The following ADGRL2 variants were observed in gnomAD, a reference collection of about 807,000 sequenced individuals.
The protein encoded by ADGRL2 is calcium-independent alpha-latrotoxin receptor 2.
A neutral mutation model predicts 157.4 loss-of-function variants in ADGRL2; 44 were observed. The observed-to-expected ratio is 0.28, with a 90% confidence interval of 0.22 to 0.36. ADGRL2 has a LOEUF of 0.36. Ranked by LOEUF, ADGRL2 falls within the 10% of genes least tolerant of loss-of-function variation. The pLI is 1.00. For synonymous variants in ADGRL2, 585 were observed against 624.7 expected, an observed-to-expected ratio of 0.94 and a Z score of 0.95; for missense variants, 1,510 against 1,768.9, an observed-to-expected ratio of 0.85 and a Z score of 2.63.
At chr1:81,646,209 A>T (rs2082312918) in intron 3 of ADGRL2, among the ~76,000 whole-genome samples, 1 of 152,190 alleles carries the variant, frequency 6.6e-6, no homozygotes, top group African/African-American at 2.4e-5. Context: ...CTTAATGCAA[A>T]TTTAAGTCAA....
chr1:81,577,611 C>T (rs2148522783), intron 2 of ADGRL2, among the ~76,000 whole-genome samples: 1 of 152,238 alleles, frequency 6.6e-6, no homozygotes, highest in African/African-American at 2.4e-5. Context: ...AGACAGGACA[C>T]TTTCCTTTCC....
At chr1:81,339,948 C>T (rs1038361157) in intron 1 of ADGRL2, among the ~76,000 whole-genome samples, 1 of 152,118 alleles carries the variant, frequency 6.6e-6, no homozygotes, top group Non-Finnish European at 1.5e-5. Flanking sequence ...TGAATTGCAT[C>T]ATATTACAAT....
At chr1:81,953,159 G>C (rs1229762935) in intron 10 of ADGRL2, 134 bp downstream of exon 10, 6 of 663,982 alleles carry the variant, frequency 9.0e-6, no homozygotes, top group Non-Finnish European at 1.5e-5. Context: ...CTGTACAAAT[G>C]TTGGCTTTTC....
intron 3 of ADGRL2, among the ~76,000 whole-genome samples, chr1:81,682,502 T>A (rs1428130839): frequency 1.3e-5 from 2 of 152,140 alleles, no homozygotes; most frequent in Non-Finnish European, 2.9e-5. Context: ...GTGAGGCTAG[T>A]GTGGTCTGGC....
intron 11 of ADGRL2, among the ~76,000 whole-genome samples, chr1:81,962,613 C>T (rs919351491): frequency 7.9e-5 from 12 of 152,036 alleles, no homozygotes; most frequent in Admixed American, 7.9e-4. Flanking sequence ...TCTTATACTT[C>T]CCTTGTAAAT....
At chr1:81,472,837 C>G (rs2078199178) in intron 2 of ADGRL2, among the ~76,000 whole-genome samples, 1 of 152,030 alleles carries the variant, frequency 6.6e-6, no homozygotes. Context: ...GCTTGCCTTT[C>G]CACATACATA....
At chr1:81,632,776 G>A (rs2082038489) in intron 3 of ADGRL2, among the ~76,000 whole-genome samples, 1 of 151,106 alleles carries the variant, frequency 6.6e-6, no homozygotes, top group Non-Finnish European at 1.5e-5. Flanking sequence ...AAAAGTCATT[G>A]TGGGCAGAGT....
At chr1:81,984,889 A>G (rs1662711454) in intron 20 of ADGRL2, among the ~76,000 whole-genome samples, 178 bp downstream of exon 20, 1 of 152,044 alleles carries the variant, frequency 6.6e-6, no homozygotes, top group Admixed American at 6.6e-5. Flanking sequence ...GTTTCTTTAT[A>G]TGTGAACGTC....
chr1:81,466,808 A>T (rs2078065487), intron 2 of ADGRL2, among the ~76,000 whole-genome samples: 2 of 152,198 alleles, frequency 1.3e-5, no homozygotes, highest in Admixed American at 1.3e-4. Context: ...TTTGAAATTA[A>T]AGTCAATTAA....
At chr1:81,593,180 G>T (rs2148597223) in intron 3 of ADGRL2, among the ~76,000 whole-genome samples, 1 of 152,308 alleles carries the variant, frequency 6.6e-6, no homozygotes, top group East Asian at 1.9e-4. Flanking sequence ...AAAGTGAACA[G>T]AATGGAATGA....
chr1:81,799,022 A>G (rs572833559), upstream of ADGRL2, among the ~76,000 whole-genome samples: 45 of 152,320 alleles, frequency 3.0e-4, no homozygotes, highest in African/African-American at 1.0e-3. Flanking sequence ...CTCTTTTGCA[A>G]TCCTGAATGA....
chr1:81,562,313 G>T (rs1253636320), intron 2 of ADGRL2, among the ~76,000 whole-genome samples: 2 of 152,050 alleles, frequency 1.3e-5, no homozygotes, highest in African/African-American at 4.8e-5. Flanking sequence ...CAGTAATTTT[G>T]TTCCATATGT....
At chr1:81,951,536 T>C (rs756310616) in intron 8 of ADGRL2, among the ~76,000 whole-genome samples, 3 of 152,168 alleles carry the variant, frequency 2.0e-5, no homozygotes, top group Non-Finnish European at 4.4e-5. Flanking sequence ...TGCAGTGTAA[T>C]GCAATGCCAT....
rs140266025 is a variant in ADGRL2, at chr1:81,323,026, T to A, written c.-302+16517T>A. On this transcript the variant is annotated intron_variant, in intron 1 of 24. Transcript: ENST00000370721. ...GTGTGTGCCACCACACCCAGCTAAT[T>A]TTTGTATTTTTAGTAGAGACGGGGT... Among the ~76,000 whole-genome samples the A allele has an allele frequency of 1.1e-3, 170 of 152,036 alleles. No individual in the cohort carries two copies. The East Asian group carries it at 0.029, about 26-fold the overall frequency.
chr1:81,875,858 C>T (rs1392609937), intron 2 of ADGRL2, among the ~76,000 whole-genome samples: 2 of 152,106 alleles, frequency 1.3e-5, no homozygotes, highest in Non-Finnish European at 1.5e-5. Context: ...TCTTCCACCC[C>T]GTCTCTCTAA....
chr1:81,635,421 T>G (rs2148776182), intron 3 of ADGRL2, among the ~76,000 whole-genome samples: 1 of 152,360 alleles, frequency 6.6e-6, no homozygotes, highest in Admixed American at 6.5e-5. Flanking sequence ...GCATGTCATC[T>G]TATCAGTGGA....
chr1:81,911,536 G>GT (rs1221208946), intron 3 of ADGRL2, among the ~76,000 whole-genome samples: 3 of 152,244 alleles, frequency 2.0e-5, no homozygotes, highest in Middle Eastern at 3.4e-3. Context: ...AATTTTAACT[G>GT]TTTTTTCACT....
intron 3 of ADGRL2, among the ~76,000 whole-genome samples, chr1:81,910,317 T>C (rs899980355): frequency 7.9e-5 from 12 of 151,318 alleles, no homozygotes; most frequent in African/African-American, 2.9e-4. Context: ...AGTATACGTA[T>C]GTCCTAATAT....
At chr1:81,692,128 C>T (rs962158276) in intron 3 of ADGRL2, among the ~76,000 whole-genome samples, 5 of 151,410 alleles carry the variant, frequency 3.3e-5, no homozygotes, top group African/African-American at 9.7e-5. Flanking sequence ...CAAATTAGGC[C>T]GGGTGTGGTG....
Sources: gnomAD v4.1 joint callset for allele counts (sites outside exome capture counted in the v4.1 genomes callset) on GRCh38, gnomAD v4.1.1 for gene constraint, MANE v1.5 for transcripts, NCBI Gene and HGNC (gene_info 2026-07-23, HGNC 2026-07-21) for gene names.